The following CNTRL variants were observed in gnomAD, a reference collection of about 807,000 sequenced individuals.
CNTRL encodes the protein 110 kDa centrosomal protein.
Under a neutral mutation model 303.7 loss-of-function variants are expected in CNTRL, and 233 were observed. The ratio of observed to expected loss-of-function variants is 0.77; its 90% confidence interval spans 0.69 to 0.86. CNTRL has a LOEUF of 0.86. Ranked by LOEUF, CNTRL falls within the 40% of genes least tolerant of loss-of-function variation. CNTRL has a pLI of 0.00. For missense variants in CNTRL, 2,524 were observed against 2,650.6 expected (o/e 0.95, Z 1.05); for synonymous variants, 900 against 922.2 (o/e 0.98, Z 0.44).
Position 121,104,908 on chromosome 9 carries a change from C to T in CNTRL, c.809-2894C>T, listed in dbSNP as rs2049387484. ...TAGAGACGGGGTTTGTCTGATTTCTCTTACGGGGTCAGGCTGGTCTTGAAC... is the reference window on the plus strand; with the variant it reads ...TAGAGACGGGGTTTGTCTGATTTCTTTTACGGGGTCAGGCTGGTCTTGAAC... On this transcript the variant is annotated intron_variant, in intron 7 of 43. Transcript: ENST00000373855. Among the ~76,000 whole-genome samples, 3 of 152,040 alleles carry T rather than the reference C, an allele frequency of 2.0e-5. No individual in the cohort carries two copies. In the South Asian group the frequency reaches 6.2e-4, roughly 32 times the overall value.
intron 15 of CNTRL, among the ~76,000 whole-genome samples, chr9:121,137,344 A>C (rs748632569): frequency 5.9e-5 from 9 of 152,158 alleles, no homozygotes; most frequent in Non-Finnish European, 1.3e-4. Context: ...AGATGCTCCT[A>C]GATGATCTGT....
At chr9:121,092,097 AC>A (rs1009148657) in intron 4 of CNTRL, among the ~76,000 whole-genome samples, 2 of 146,906 alleles carry the variant, frequency 1.4e-5, no homozygotes, top group African/African-American at 4.9e-5. Flanking sequence ...ATAAATATAT[AC>A]ATATTTTATA....
Position 121,113,681 on chromosome 9 carries a change from A to G in CNTRL, c.1302A>G (p.Pro434=). The change falls in exon 10 of 44, where the codon CCA becomes CCG. Residue 434 remains proline, a synonymous_variant. Coordinates refer to ENST00000373855, the MANE Select transcript of CNTRL (RefSeq NM_007018.6). The part of the protein sequence containing the change: ...NDHMNLRGHT[P]LDTQLEDKEK... ...ACATGAACTTGAGAGGCCACACACC[A>G]CTGGACACGCAACTGGAAGACAAAG... 6.4e-7 allele frequency: 1 copy of G among 1,573,242 alleles called. No homozygotes were observed. The highest frequency in any genetic ancestry group is 1.2e-5 in the South Asian group (1 of 82,272).
intron 36 of CNTRL, among the ~76,000 whole-genome samples, chr9:121,166,860 A>G (rs534813334): frequency 6.6e-6 from 1 of 152,100 alleles, no homozygotes; most frequent in South Asian, 2.1e-4. Context: ...CATCTCTACT[A>G]AAAATACAAA....
intron 24 of CNTRL, among the ~76,000 whole-genome samples, chr9:121,149,274 C>T (rs1159817989): frequency 3.3e-5 from 5 of 152,168 alleles, no homozygotes; most frequent in African/African-American, 1.2e-4. Context: ...AGAGTCAGAC[C>T]TGAGTAAATC....
chr9:121,143,853 C>A, intron 19 of CNTRL, 50 bp from the exon 20 acceptor site: 1 of 1,454,750 alleles, frequency 6.9e-7, no homozygotes, highest in Non-Finnish European at 9.4e-7. Flanking sequence ...CATCTGAATT[C>A]ATTCCTGCCA....
chr9:121,076,456 A>T (rs2047928821), intron 1 of CNTRL, among the ~76,000 whole-genome samples: 1 of 152,052 alleles, frequency 6.6e-6, no homozygotes, highest in Admixed American at 6.6e-5. Flanking sequence ...AGAGGAATGG[A>T]TGGAGGTTTG....
rs1291788929 is a variant in CNTRL at position 121,125,812 on chromosome 9, A to G, written c.1901A>G (p.Gln634Arg). 1 of 1,614,108 alleles carries G rather than the reference A, an allele frequency of 6.2e-7. No homozygotes were observed. The highest frequency in any genetic ancestry group is 8.5e-7 in the Non-Finnish European group (1 of 1,180,030). ...YLGTIKGQAT[Q>R]AQNECRKLRD... ...GGGACCATTAAAGGCCAGGCAACTC[A>G]GGCCCAGAATGAGTGCAGGAAGCTG... The change falls in exon 14 of 44, where the codon CAG becomes CGG. Residue 634 changes from glutamine (Q) to arginine (R), a missense_variant. Physicochemically the swap from Gln to Arg is conservative, Grantham distance 43 (BLOSUM62 1). Transcript: ENST00000373855.
intron 12 of CNTRL, chr9:121,121,972 CTG>C: frequency 1.0e-6 from 1 of 973,096 alleles, no homozygotes; most frequent in Non-Finnish European, 1.2e-6. Flanking sequence ...TTTTCTCTCT[CTG>C]TACAAAGGAC....
rs1186388852 is a variant in CNTRL, at chr9:121,168,195, T to C, written c.5944T>C (p.Leu1982=). The C allele has an allele frequency of 1.9e-6, 3 of 1,614,010 alleles. No homozygotes were observed. Among genetic ancestry groups the C allele is most frequent in the Non-Finnish European group, 2.5e-6 (3 of 1,180,008 alleles). The change falls in exon 38 of 44, where the codon TTA becomes CTA. Residue 1982 remains leucine (L), a synonymous_variant. Coordinates refer to ENST00000373855, the MANE Select transcript of CNTRL (RefSeq NM_007018.6). The part of the protein sequence containing the change: ...KEQQHQLEKE[L]TDQKSKLDQV... The stretch of plus-strand genomic sequence containing the variant: ...GCAACAGCACCAGCTGGAAAAGGAA[T>C]TAACAGACCAGAAAAGCAAACTGGA...
At chr9:121,140,841 G>A in intron 17 of CNTRL, 55 bp downstream of exon 17, 1 of 1,542,998 alleles carries the variant, frequency 6.5e-7, no homozygotes, top group Non-Finnish European at 8.8e-7. Flanking sequence ...CTTGAGAGTT[G>A]TGAGTGTGAG....
chr9:121,116,569 C>T (rs111365063), intron 11 of CNTRL, among the ~76,000 whole-genome samples: 11,673 of 152,050 alleles, frequency 0.077, 644 homozygotes, highest in Middle Eastern at 0.14. Context: ...GCGATCTGCC[C>T]GTCTTGGCCT....
At chr9:121,159,141 A>G (rs2052730828) in intron 31 of CNTRL, 122 bp downstream of exon 31, 2 of 1,000,878 alleles carry the variant, frequency 2.0e-6, no homozygotes, top group Non-Finnish European at 1.5e-6. Flanking sequence ...CCTCCTCTGT[A>G]AAATCAGTTT....
intron 12 of CNTRL, among the ~76,000 whole-genome samples, chr9:121,122,914 T>A (rs189922401): frequency 2.0e-5 from 3 of 152,224 alleles, no homozygotes; most frequent in African/African-American, 7.2e-5. Flanking sequence ...CTTAGGGCCC[T>A]CCATTTTGAG....
intron 26 of CNTRL, among the ~76,000 whole-genome samples, chr9:121,152,915 C>G (rs1399479309): frequency 2.0e-5 from 3 of 152,134 alleles, no homozygotes; most frequent in Admixed American, 6.6e-5. Flanking sequence ...CCATATTGAG[C>G]AATACAGGTC....
At chr9:121,140,876 A>G in intron 17 of CNTRL, 90 bp downstream of exon 17, 1 of 1,282,086 alleles carries the variant, frequency 7.8e-7, no homozygotes, top group Non-Finnish European at 1.0e-6. Context: ...TCACCTTTCT[A>G]AGTTCTGTTA....
intron 14 of CNTRL, among the ~76,000 whole-genome samples, chr9:121,132,901 G>A (rs1387412439): frequency 2.6e-5 from 4 of 152,154 alleles, no homozygotes; most frequent in African/African-American, 9.7e-5. Flanking sequence ...TCCCTCAGCT[G>A]CTGGTCTGTT....
rs2053566926 is a variant in CNTRL at position 121,177,321 on chromosome 9, TTGCC to T, written c.*138_*141del. ...TTCTGAAACTCCACTGTAGTTTACT[TTGCC>T]TGTACCATTAATGCCAATGTTTTTA... On this transcript the variant is annotated 3_prime_UTR_variant, in exon 44 of 44. Coordinates refer to ENST00000373855, the MANE Select transcript of CNTRL (RefSeq NM_007018.6). The T allele has an allele frequency of 1.4e-6, 1 of 733,400 alleles. No individual in the cohort carries two copies. Among genetic ancestry groups the T allele is most frequent in the African/African-American group, 1.8e-5 (1 of 56,176 alleles). 45.4% of individuals were successfully genotyped at this position (733,400 alleles called of 1,614,324 possible). A position where few individuals can be genotyped will look rare whatever the true frequency, so the allele number is the denominator to read the frequency against.
Position 121,144,877 on chromosome 9 carries a change from C to T in CNTRL, c.3086C>T (p.Ala1029Val), listed in dbSNP as rs370780215. The change falls in exon 21 of 44, where the codon GCA (alanine) becomes GTA (valine). Residue 1029 changes from alanine (A) to valine (V), a missense_variant. Transcript: ENST00000373855. ...GAAGCAGAGAGGTTCAGCAGAAAGG[C>T]AGCACAAGCAGCCAGAGATCTCACC... ...LQEAERFSRK[A>V]AQAARDLTRA... The T allele has an allele frequency of 3.4e-5, 55 of 1,613,258 alleles. No individual in the cohort carries two copies. The highest frequency in any genetic ancestry group is 4.7e-5 in the Non-Finnish European group (55 of 1,179,936).
Sources: gnomAD v4.1 joint callset for allele counts (sites outside exome capture counted in the v4.1 genomes callset) on GRCh38, gnomAD v4.1.1 for gene constraint, MANE v1.5 for transcripts, NCBI Gene and HGNC (gene_info 2026-07-23, HGNC 2026-07-21) for gene names.